The following TMEM45A variants were observed in gnomAD, a reference collection of about 807,000 sequenced individuals.
TMEM45A encodes the protein DNA polymerase-transactivated protein 4.
TMEM45A carries 25 observed loss-of-function variants against 32.0 expected under a neutral mutation model. That is an observed-to-expected ratio of 0.78 (90% CI 0.57 to 1.09). TMEM45A has a LOEUF of 1.09. Among genes scored for constraint, TMEM45A ranks in the 50% least tolerant of loss-of-function variants. The pLI is 0.00. For synonymous variants in TMEM45A, 122 were observed against 114.8 expected (o/e 1.06, Z -0.40); for missense variants, 302 against 325.0 (o/e 0.93, Z 0.54).
rs377080930 is a variant in TMEM45A at position 100,568,408 on chromosome 3, G to A, written c.589-414G>A. Among the ~76,000 whole-genome samples the A allele has an allele frequency of 8.5e-5, 13 of 152,066 alleles. No individual in the cohort carries two copies. The East Asian group carries it at 2.3e-3, about 27-fold the overall frequency. On this transcript the variant is annotated intron_variant, in intron 4 of 5. Coordinates refer to ENST00000323523, the MANE Select transcript of TMEM45A (RefSeq NM_018004.3). The stretch of plus-strand genomic sequence containing the variant: ...GTGTGAAAGCAGACATCCATGTCTC[G>A]TTCCTGATATTAGGGGGAAAGATTT...
intron 3 of TMEM45A, among the ~76,000 whole-genome samples, chr3:100,558,019 C>G (rs1157251225): frequency 6.6e-6 from 1 of 152,136 alleles, no homozygotes; most frequent in African/African-American, 2.4e-5. Flanking sequence ...GTTTGTCCTG[C>G]TTAGAAGATG....
Position 100,492,873 on chromosome 3 carries a change from G to C in TMEM45A, c.-59G>C, listed in dbSNP as rs1211687048. The C allele has an allele frequency of 6.6e-6, 1 of 151,900 alleles. No individual in the cohort carries two copies. The highest frequency in any genetic ancestry group is 1.5e-5 in the Non-Finnish European group (1 of 68,036). 9.4% of individuals were successfully genotyped at this position (151,900 alleles called of 1,614,324 possible). On this transcript the variant is annotated 5_prime_UTR_variant, in exon 1 of 6. It removes the in-frame stop codon of an upstream open reading frame in the 5' UTR. Coordinates refer to ENST00000323523, the MANE Select transcript of TMEM45A (RefSeq NM_018004.3). Reference sequence around the variant, plus strand: ...AACAACAAAAGCCCAGCCGCTGTCTGATTTTAAGCTGGCAAAGTGGGAAAA... The same window carrying C: ...AACAACAAAAGCCCAGCCGCTGTCTCATTTTAAGCTGGCAAAGTGGGAAAA...
At chr3:100,509,502 T>C (rs1195387699) in intron 1 of TMEM45A, among the ~76,000 whole-genome samples, 2 of 152,220 alleles carry the variant, frequency 1.3e-5, no homozygotes, top group African/African-American at 2.4e-5. Context: ...ATTGCAGCAC[T>C]ATTCACAATA....
chr3:100,561,426 A>G (rs756263960), intron 4 of TMEM45A, among the ~76,000 whole-genome samples: 1 of 152,164 alleles, frequency 6.6e-6, no homozygotes, highest in Non-Finnish European at 1.5e-5. Context: ...GGAGATGTGA[A>G]TTGAAGGAAA....
chr3:100,511,750 A>T (rs1708166453), intron 1 of TMEM45A, among the ~76,000 whole-genome samples: 1 of 152,088 alleles, frequency 6.6e-6, no homozygotes, highest in Non-Finnish European at 1.5e-5. Context: ...AGAGACACAC[A>T]TAGGCTCAAA....
intron 5 of TMEM45A, among the ~76,000 whole-genome samples, chr3:100,575,412 G>A (rs528070599): frequency 1.2e-4 from 14 of 114,650 alleles, no homozygotes; most frequent in African/African-American, 4.0e-4. Context: ...TTGCTCTGTC[G>A]CCCAGGCTGG....
chr3:100,569,229 A>C (rs542747982), intron 5 of TMEM45A, among the ~76,000 whole-genome samples: 1 of 152,062 alleles, frequency 6.6e-6, no homozygotes, highest in South Asian at 2.1e-4. Flanking sequence ...CTGTGCCTCC[A>C]TGTCTCCACA....
chr3:100,574,854 A>G (rs1043916359), intron 5 of TMEM45A, among the ~76,000 whole-genome samples: 1 of 152,204 alleles, frequency 6.6e-6, no homozygotes, highest in African/African-American at 2.4e-5. Context: ...CATGTTTTAT[A>G]TACTTTTCAA....
In TMEM45A at chr3:100,539,456, T is replaced by TATGCATATGC. The variant is rs1325083540; in HGVS notation, c.-3-15751_-3-15750insGCATATGCAT. Among the ~76,000 whole-genome samples the TATGCATATGC allele has an allele frequency of 2.2e-3, 182 of 84,540 alleles. 8 individuals carry two copies. Among genetic ancestry groups the TATGCATATGC allele is most frequent in the Middle Eastern group, 0.011 (2 of 182 alleles). 55.5% of individuals were successfully genotyped at this position (84,540 alleles called of 152,430 possible). ...GGATATGTATATGTATATGTATATG[T>TATGCATATGC]ATATGTATATGTATATGTATATGTA... On this transcript the variant is annotated intron_variant, in intron 1 of 5. Coordinates refer to ENST00000323523, the MANE Select transcript of TMEM45A (RefSeq NM_018004.3).
chr3:100,516,843 A>G (rs1708269901), intron 1 of TMEM45A, among the ~76,000 whole-genome samples: 1 of 152,120 alleles, frequency 6.6e-6, no homozygotes, highest in Non-Finnish European at 1.5e-5. Flanking sequence ...AAAGTTGGGA[A>G]TGGAAAGAGG....
At chr3:100,544,398 A>C (rs993853150) in intron 1 of TMEM45A, among the ~76,000 whole-genome samples, 1 of 152,162 alleles carries the variant, frequency 6.6e-6, no homozygotes, top group African/African-American at 2.4e-5. Context: ...TAAAGTTCAC[A>C]TCTTTTAAGA....
intron 3 of TMEM45A, among the ~76,000 whole-genome samples, chr3:100,557,319 T>C (rs1253457366): frequency 6.6e-6 from 1 of 152,174 alleles, no homozygotes; most frequent in Non-Finnish European, 1.5e-5. Context: ...TAATAAAGCA[T>C]GAATACACTA....
At chr3:100,529,977 G>A (rs911867299) in intron 1 of TMEM45A, among the ~76,000 whole-genome samples, 2 of 152,040 alleles carry the variant, frequency 1.3e-5, no homozygotes, top group African/African-American at 2.4e-5. Flanking sequence ...TACAGACCCT[G>A]TACAGAAAGA....
At chr3:100,526,050 T>C (rs1705538121) in intron 1 of TMEM45A, among the ~76,000 whole-genome samples, 1 of 152,170 alleles carries the variant, frequency 6.6e-6, no homozygotes, top group African/African-American at 2.4e-5. Flanking sequence ...GAAATGAGCG[T>C]CTGCAGCAGC....
Position 100,555,313 on chromosome 3 carries a change from A to G in TMEM45A, c.102A>G (p.Gln34=). 2 of 1,614,084 alleles carry G rather than the reference A, an allele frequency of 1.2e-6. No homozygotes were observed. Among genetic ancestry groups the G allele is most frequent in the Non-Finnish European group, 1.7e-6 (2 of 1,179,986 alleles). The change falls in exon 2 of 6, where the codon CAA becomes CAG. Residue 34 remains glutamine, a synonymous_variant. Transcript: ENST00000323523. ...KSILKYICKK[Q]KRTCYLGSKT... The stretch of plus-strand genomic sequence containing the variant: ...TTCTGAAGTATATCTGCAAAAAGCA[A>G]AAGCGAACCTGCTATCTTGGTTCCA...
intron 1 of TMEM45A, among the ~76,000 whole-genome samples, chr3:100,532,328 C>A (rs1316231446): frequency 2.6e-5 from 4 of 152,190 alleles, no homozygotes; most frequent in Admixed American, 6.5e-5. Flanking sequence ...GGCCTGATAA[C>A]TGGAGAGTCT....
In TMEM45A at chr3:100,555,234, C is replaced by T; in HGVS notation, c.23C>T (p.Ala8Val). 2 of 1,604,736 alleles carry T rather than the reference C, an allele frequency of 1.2e-6. No individual in the cohort carries two copies. Among genetic ancestry groups the T allele is most frequent in the Non-Finnish European group, 1.7e-6 (2 of 1,175,448 alleles). Residue 8 changes from alanine (A) to valine (V), a missense_variant, in exon 2 of 6, where the codon GCC becomes GTC. Coordinates refer to ENST00000323523, the MANE Select transcript of TMEM45A (RefSeq NM_018004.3). ...ATCATGGGGAATTTCAGAGGTCATG[C>T]CCTCCCTGGAACCTTCTTTTTTATT... MGNFRGH[A>V]LPGTFFFIIG...
At chr3:100,567,726 A>C (rs1338568115) in intron 4 of TMEM45A, among the ~76,000 whole-genome samples, 4 of 151,982 alleles carry the variant, frequency 2.6e-5, no homozygotes, top group Admixed American at 1.3e-4. Context: ...TCCTTGATTA[A>C]ATTTATTCTT....
chr3:100,560,778 AC>A (rs1706316645), intron 4 of TMEM45A, among the ~76,000 whole-genome samples: 1 of 152,218 alleles, frequency 6.6e-6, no homozygotes. Context: ...GGAATTATAA[AC>A]ATAAGAGCAG....
Sources: gnomAD v4.1 joint callset for allele counts (sites outside exome capture counted in the v4.1 genomes callset) on GRCh38, gnomAD v4.1.1 for gene constraint, MANE v1.5 for transcripts, NCBI Gene and HGNC (gene_info 2026-07-23, HGNC 2026-07-21) for gene names.